The following ICA1 variants were observed in gnomAD, a reference collection of about 807,000 sequenced individuals.
ICA1 encodes the protein 69 kDa islet cell autoantigen.
ICA1 carries 40 observed loss-of-function variants against 71.0 expected under a neutral mutation model. The observed-to-expected ratio is 0.56, with a 90% CI of 0.44 to 0.73. The LOEUF (loss-of-function observed/expected upper bound fraction) is 0.73. Ranked by LOEUF, ICA1 falls within the 30% of genes least tolerant of loss-of-function variation. The probability of loss-of-function intolerance (pLI) is 0.00; values close to 1 mark genes in which losing one functional copy is unlikely to be tolerated. For missense variants in ICA1, 578 were observed against 576.5 expected (o/e 1.00, Z -0.03); for synonymous variants, 207 against 209.5 (o/e 0.99, Z 0.10).
chr7:8,195,542 C>CAAAACA (rs58143077), intron 6 of ICA1, among the ~76,000 whole-genome samples: 23,753 of 149,408 alleles, frequency 0.16, 1,979 homozygotes, highest in Non-Finnish European at 0.19. Context: ...AACTCTATCT[C>CAAAACA]AAAACAAAAA....
intron 6 of ICA1, among the ~76,000 whole-genome samples, chr7:8,175,220 A>G (rs1266484691): frequency 6.6e-6 from 1 of 152,162 alleles, no homozygotes; most frequent in Admixed American, 6.5e-5. Context: ...TTTCAGGGAC[A>G]GGGAAGTTGA....
chr7:8,176,443 G>T (rs1019134513), intron 6 of ICA1, among the ~76,000 whole-genome samples: 5 of 152,160 alleles, frequency 3.3e-5, no homozygotes, highest in Admixed American at 6.5e-5. Flanking sequence ...CTTTGCAGAC[G>T]CCCTTATGAG....
chr7:8,161,925 G>C (rs12333880), intron 6 of ICA1, among the ~76,000 whole-genome samples: 107,815 of 152,134 alleles, frequency 0.71, 40,057 homozygotes, highest in Non-Finnish European at 0.82. Flanking sequence ...GATATAAACT[G>C]TAAGGAAACA....
In ICA1 at chr7:8,114,084, A is replaced by T. The variant is rs375958136; in HGVS notation, c.1331-40T>A. ...GGAAACATGAGCAAACGCACCTTCC[A>T]AATGTCCACCTCTGCCATGCGGGAT... On this transcript the variant is annotated intron_variant, in intron 13 of 13. Coordinates refer to ENST00000402384, the MANE Select transcript of ICA1 (RefSeq NM_001136020.3). 7 of 1,613,268 alleles carry T rather than the reference A, an allele frequency of 4.3e-6. No individual in the cohort carries two copies. In the African/African-American group the frequency reaches 9.3e-5, roughly 22 times the overall value.
At chr7:8,230,537 G>A (rs1383971280) in intron 3 of ICA1, among the ~76,000 whole-genome samples, 2 of 152,154 alleles carry the variant, frequency 1.3e-5, no homozygotes, top group Non-Finnish European at 2.9e-5. Flanking sequence ...TAAGTACAAT[G>A]GATGCTACAT....
chr7:8,150,342 CT>C (rs1271499231), intron 8 of ICA1, among the ~76,000 whole-genome samples: 2 of 152,198 alleles, frequency 1.3e-5, no homozygotes, highest in Non-Finnish European at 2.9e-5. Context: ...TCAAAACTTG[CT>C]TTCTTATCAA....
At chr7:8,251,542 A>G (rs1236797268) in intron 1 of ICA1, among the ~76,000 whole-genome samples, 1 of 151,400 alleles carries the variant, frequency 6.6e-6, no homozygotes, top group East Asian at 1.9e-4. Flanking sequence ...AGAGATAATG[A>G]ACACAACATC....
At chr7:8,165,034 G>A (rs148357881) in intron 6 of ICA1, among the ~76,000 whole-genome samples, 1 of 152,238 alleles carries the variant, frequency 6.6e-6, no homozygotes, top group African/African-American at 2.4e-5. Flanking sequence ...CTGTGATCAT[G>A]CCACTGCACT....
intron 6 of ICA1, among the ~76,000 whole-genome samples, chr7:8,202,297 C>T (rs1789992932): frequency 6.6e-6 from 1 of 152,180 alleles, no homozygotes; most frequent in South Asian, 2.1e-4. Context: ...CATGTTCTGA[C>T]TGTGTCACAT....
intron 6 of ICA1, among the ~76,000 whole-genome samples, chr7:8,166,679 G>C (rs1444860080): frequency 6.6e-6 from 1 of 152,082 alleles, no homozygotes; most frequent in Non-Finnish European, 1.5e-5. Flanking sequence ...TACAGCAAAA[G>C]AAACTATCAA....
intron 4 of ICA1, among the ~76,000 whole-genome samples, chr7:8,224,278 C>G (rs1457993678): frequency 6.6e-6 from 1 of 152,036 alleles, no homozygotes; most frequent in Non-Finnish European, 1.5e-5. Flanking sequence ...CAGGGACCTT[C>G]CAGGCAGCAG....
chr7:8,151,718 A>G (rs370352421), intron 8 of ICA1, among the ~76,000 whole-genome samples: 2 of 152,250 alleles, frequency 1.3e-5, no homozygotes, highest in East Asian at 1.9e-4. Context: ...TAACTGAGAA[A>G]TGTGGAGGTG....
At chr7:8,194,571 ACTT>A (rs1188989229) in intron 6 of ICA1, among the ~76,000 whole-genome samples, 6 of 152,236 alleles carry the variant, frequency 3.9e-5, no homozygotes, top group African/African-American at 1.4e-4. Context: ...TAAAAATGTT[ACTT>A]CTTCTTGACC....
chr7:8,202,224 A>G (rs1198717499), intron 6 of ICA1, among the ~76,000 whole-genome samples: 2 of 152,214 alleles, frequency 1.3e-5, no homozygotes, highest in Non-Finnish European at 2.9e-5. Flanking sequence ...GTTCCAGAAA[A>G]TAAGGGGATG....
chr7:8,260,121 A>G (rs11973424), intron 1 of ICA1, among the ~76,000 whole-genome samples: 27,386 of 152,108 alleles, frequency 0.18, 3,651 homozygotes, highest in African/African-American at 0.38. Flanking sequence ...CCTCTCTCGC[A>G]TGAGGTTTCT....
At chr7:8,240,301 T>C (rs544307555) in intron 1 of ICA1, among the ~76,000 whole-genome samples, 6 of 151,928 alleles carry the variant, frequency 3.9e-5, no homozygotes, top group Middle Eastern at 3.4e-3. Context: ...TCCAGCAAAC[T>C]CCAACAAACC....
At chr7:8,206,749 A>C (rs1031696733) in intron 6 of ICA1, among the ~76,000 whole-genome samples, 1 of 151,148 alleles carries the variant, frequency 6.6e-6, no homozygotes, top group Non-Finnish European at 1.5e-5. Context: ...AAAAAAAAAA[A>C]AAAAAAGAAA....
At chr7:8,151,071 C>A (rs1434014866) in intron 8 of ICA1, among the ~76,000 whole-genome samples, 1 of 152,254 alleles carries the variant, frequency 6.6e-6, no homozygotes, top group Non-Finnish European at 1.5e-5. Flanking sequence ...TTCTATATGT[C>A]AGTGCTGAAC....
chr7:8,198,598 G>A (rs1384723147), intron 6 of ICA1, among the ~76,000 whole-genome samples: 2 of 152,274 alleles, frequency 1.3e-5, no homozygotes, highest in East Asian at 1.9e-4. Flanking sequence ...TGGTCCAGGC[G>A]AGCGTCATAA....
Sources: allele counts gnomAD v4.1 joint callset (sites outside exome capture counted in the v4.1 genomes callset), GRCh38; gene constraint gnomAD v4.1.1; transcripts MANE v1.5; gene names NCBI Gene and HGNC (gene_info 2026-07-23, HGNC 2026-07-21).